Variants in ADCY10 observed in about 807,000 individuals in gnomAD.
The protein encoded by ADCY10 is adenylate cyclase type 10.
In ADCY10, 156 loss-of-function variants were observed where a neutral mutation model predicts 183.3. The observed-to-expected ratio is 0.85, with a 90% CI of 0.75 to 0.97. The LOEUF (loss-of-function observed/expected upper bound fraction) is 0.97. Among genes scored for constraint, ADCY10 ranks in the 50% least tolerant of loss-of-function variants. The pLI is 0.00. For missense variants in ADCY10, 1,745 were observed against 1,934.3 expected, an observed-to-expected ratio of 0.90 and a Z score of 1.84; for synonymous variants, 645 against 670.0, an observed-to-expected ratio of 0.96 and a Z score of 0.58.
Position 167,829,296 on chromosome 1 carries a change from T to A in ADCY10, c.3721A>T (p.Thr1241Ser). The A allele has an allele frequency of 1.2e-6, 2 of 1,614,116 alleles. No homozygotes were observed. The highest frequency in any genetic ancestry group is 2.2e-5 in the South Asian group (2 of 91,086). Residue 1241 changes from threonine to serine, a missense_variant, in exon 26 of 33, where the codon ACT (threonine) becomes TCT (serine). Transcript: ENST00000367851. ...AAACAATTTTGAGTTTCCAGTGCAGTATTCATTTGCATCATAACTGCCAGG... is the reference window on the plus strand; with the variant it reads ...AAACAATTTTGAGTTTCCAGTGCAGAATTCATTTGCATCATAACTGCCAGG... ...AHLAVMMQMN[T>S]ALETQNCFQI...
chr1:167,907,108 A>C (rs1405564665), intron 1 of ADCY10, among the ~76,000 whole-genome samples: 1 of 152,230 alleles, frequency 6.6e-6, no homozygotes, highest in Non-Finnish European at 1.5e-5. Context: ...CCCAGACAAC[A>C]TATATCTACA....
intron 1 of ADCY10, among the ~76,000 whole-genome samples, chr1:167,909,797 C>T (rs1670036308): frequency 6.6e-6 from 1 of 152,176 alleles, no homozygotes; most frequent in Non-Finnish European, 1.5e-5. Flanking sequence ...GGCTTTTCAA[C>T]TTTTAGTCAT....
Position 167,859,914 on chromosome 1 carries a change from A to C in ADCY10, c.1810-21T>G, listed in dbSNP as rs77906219. ...GGGAACTGTACAAAGAATTATGAGA[A>C]TATTGAGTATGGGAAAATAGCAAAG... On this transcript the variant is annotated intron_variant, in intron 15 of 32. Coordinates refer to ENST00000367851, the MANE Select transcript of ADCY10 (RefSeq NM_018417.6). 20,588 of 1,560,392 alleles carry C rather than the reference A, an allele frequency of 0.013. 183 individuals are homozygous for C. Among genetic ancestry groups the C allele is most frequent in the East Asian group, 0.043 (1,905 of 44,606 alleles).
intron 21 of ADCY10, among the ~76,000 whole-genome samples, chr1:167,841,205 G>A (rs2101943073): frequency 6.6e-6 from 1 of 152,214 alleles, no homozygotes; most frequent in East Asian, 1.9e-4. Flanking sequence ...GCCTCCCAAA[G>A]TGCTGGGATT....
chr1:167,891,747 A>G (rs1022127827), intron 8 of ADCY10, among the ~76,000 whole-genome samples: 1 of 152,018 alleles, frequency 6.6e-6, no homozygotes, highest in Non-Finnish European at 1.5e-5. Context: ...TACATAGCAA[A>G]TCAATGGGGG....
At chr1:167,905,288 C>A (rs1308417090) in intron 1 of ADCY10, 90 bp from the exon 2 acceptor site, 7 of 1,006,638 alleles carry the variant, frequency 7.0e-6, no homozygotes, top group Admixed American at 1.9e-5. Flanking sequence ...TTCTAACCTG[C>A]GGCCTGCTTA....
chr1:167,820,327 T>C, intron 30 of ADCY10: 1 of 1,000,516 alleles, frequency 1.0e-6, no homozygotes, highest in Non-Finnish European at 1.4e-6. Flanking sequence ...CTAGCCGGCC[T>C]TGAGGGGCGG....
intron 8 of ADCY10, among the ~76,000 whole-genome samples, chr1:167,891,873 G>A (rs548046435): frequency 2.6e-5 from 4 of 152,158 alleles, no homozygotes; most frequent in Non-Finnish European, 5.9e-5. Flanking sequence ...ATGCAGCCAT[G>A]CTTCCTAATT....
chr1:167,844,290 G>A (rs1387360273), intron 21 of ADCY10, among the ~76,000 whole-genome samples: 1 of 152,088 alleles, frequency 6.6e-6, no homozygotes, highest in Admixed American at 6.5e-5. Context: ...AAATCTTCAT[G>A]GTCCAGATCC....
At chr1:167,877,948 A>G (rs929521741) in intron 12 of ADCY10, among the ~76,000 whole-genome samples, 1 of 152,222 alleles carries the variant, frequency 6.6e-6, no homozygotes, top group African/African-American at 2.4e-5. Flanking sequence ...GATTTTGAAC[A>G]TCACCATGAA....
chr1:167,809,512 TG>T lies in ADCY10; in HGVS notation c.*165del, dbSNP rs1662066737. 1 of 758,516 alleles carries T rather than the reference TG, an allele frequency of 1.3e-6. No homozygotes were observed. The highest frequency in any genetic ancestry group is 2.2e-6 in the Non-Finnish European group (1 of 464,808). The allele number at this position is 758,516 out of a possible 1,614,324, so 47.0% of individuals were successfully genotyped here. A position where few individuals can be genotyped will look rare whatever the true frequency, so the allele number is the denominator to read the frequency against. On this transcript the variant is annotated 3_prime_UTR_variant, in exon 33 of 33. Coordinates refer to ENST00000367851, the MANE Select transcript of ADCY10 (RefSeq NM_018417.6). ...AGGAAGAAGTAAACCATGACACTCC[TG>T]ACCCTTGTAGGCCCTCCAGAAAGAG...
At position 167,901,772 on chromosome 1, in the gene ADCY10, C is replaced by T. The variant is rs563436022; in HGVS notation, c.326G>A (p.Arg109Gln). The T allele has an allele frequency of 1.2e-5, 19 of 1,614,186 alleles. No individual in the cohort carries two copies. Among genetic ancestry groups the T allele is most frequent in the South Asian group, 7.7e-5 (7 of 91,092 alleles). ...DALLALWRVE[R>Q]KQLKNIITVV... ...TGTGATAATGTTTTTCAGCTGCTTTCGCTCCACCCTCCACAGGGCTAGCAG... is the reference window on the plus strand; with the variant it reads ...TGTGATAATGTTTTTCAGCTGCTTTTGCTCCACCCTCCACAGGGCTAGCAG... The change falls in exon 5 of 33, where the codon CGA (arginine) becomes CAA (glutamine). Residue 109 changes from arginine to glutamine, a missense_variant. Arg to Gln is a conservative substitution (Grantham distance 43). Coordinates refer to ENST00000367851, the MANE Select transcript of ADCY10 (RefSeq NM_018417.6).
At position 167,858,200 on chromosome 1, in the gene ADCY10, G is replaced by C. The variant is rs183424585; in HGVS notation, c.1896+1607C>G. 1.2e-3 allele frequency among the ~76,000 whole-genome samples: 185 copies of C among 152,182 alleles called. 1 individual carries two copies. Among genetic ancestry groups the C allele is most frequent in the Non-Finnish European group, 1.3e-3 (86 of 67,984 alleles). ...ATATGGAAATGTTAAGAGACTCTCT[G>C]TTCTTAAGAAGCTCACAGGCCAGGT... On this transcript the variant is annotated intron_variant, in intron 16 of 32. Transcript: ENST00000367851.
At chr1:167,833,297 G>T (rs964318255) in intron 24 of ADCY10, 135 bp from the exon 25 acceptor site, 4 of 818,628 alleles carry the variant, frequency 4.9e-6, no homozygotes, top group Non-Finnish European at 6.2e-6. Context: ...AAATCTTCCT[G>T]TGCCTGGCAT....
At position 167,845,845 on chromosome 1, in the gene ADCY10, C is replaced by T; in HGVS notation, c.2725G>A (p.Glu909Lys). Reference sequence around the variant, plus strand: ...TCCAGTTCACGAAGCTGTTCCTCTTCACCGTGATCTGGAGAGAGCAAAAAG... The same window carrying T: ...TCCAGTTCACGAAGCTGTTCCTCTTTACCGTGATCTGGAGAGAGCAAAAAG... ...LKPSEGMDHG[E>K]EEQLRELENE... is the part of the protein sequence containing the mutation. Residue 909 changes from glutamate (E) to lysine (K), a missense_variant, in exon 21 of 33, where the codon GAA becomes AAA. By Grantham distance (56) the Glu-to-Lys change is moderately conservative. Transcript: ENST00000367851. The T allele has an allele frequency of 6.2e-7, 1 of 1,614,130 alleles. No homozygotes were observed. The highest frequency in any genetic ancestry group is 8.5e-7 in the Non-Finnish European group (1 of 1,180,048).
intron 2 of ADCY10, among the ~76,000 whole-genome samples, chr1:167,904,375 C>T (rs898585968): frequency 2.0e-5 from 3 of 152,028 alleles, no homozygotes; most frequent in Non-Finnish European, 2.9e-5. Flanking sequence ...CGTGAGCCAC[C>T]GAACCCGGTG....
intron 16 of ADCY10, among the ~76,000 whole-genome samples, chr1:167,858,047 T>C (rs1316466288): frequency 6.6e-6 from 1 of 152,242 alleles, no homozygotes; most frequent in Non-Finnish European, 1.5e-5. Context: ...TAGAAACTAC[T>C]GATATTGTCT....
At chr1:167,828,830 C>T (rs1412659781) in intron 26 of ADCY10, among the ~76,000 whole-genome samples, 2 of 151,876 alleles carry the variant, frequency 1.3e-5, no homozygotes, top group African/African-American at 4.8e-5. Flanking sequence ...GGTGTGGTGG[C>T]GCATGCCTGT....
At chr1:167,826,804 A>C (rs1663324170) in intron 26 of ADCY10, among the ~76,000 whole-genome samples, 1 of 152,208 alleles carries the variant, frequency 6.6e-6, no homozygotes, top group African/African-American at 2.4e-5. Context: ...GACAAGTTAG[A>C]AAGTGAATGG....
Sources: allele counts gnomAD v4.1 joint callset (sites outside exome capture counted in the v4.1 genomes callset), GRCh38; gene constraint gnomAD v4.1.1; transcripts MANE v1.5; gene names NCBI Gene and HGNC (gene_info 2026-07-23, HGNC 2026-07-21).